The following EXOC3L2 variants were observed in gnomAD, a reference collection of about 807,000 sequenced individuals.
The protein encoded by EXOC3L2 is exocyst complex component 3 like 2.
In EXOC3L2, 17 loss-of-function variants were observed where a neutral mutation model predicts 44.4. That is an observed-to-expected ratio of 0.38 (90% CI 0.26 to 0.57). The LOEUF is 0.57. Ranked by LOEUF, EXOC3L2 falls within the 20% of genes least tolerant of loss-of-function variation. The pLI, the probability that EXOC3L2 is intolerant of heterozygous loss-of-function variation, is 0.65. For synonymous variants in EXOC3L2, 256 were observed against 253.7 expected (o/e 1.01, Z -0.09); for missense variants, 541 against 588.4 (o/e 0.92, Z 0.83).
At chr19:45,217,757 C>T (rs1380561290) in intron 9 of EXOC3L2, 74 bp from the exon 10 acceptor site, 5 of 1,372,156 alleles carry the variant, frequency 3.6e-6, no homozygotes, top group Non-Finnish European at 4.7e-6. Context: ...GTCTGAAGGC[C>T]ACCCCCGCCC....
chr19:45,212,993 C>A lies in EXOC3L2; in HGVS notation c.*76G>T. ...GGGTGTGTGGTCCCAGGCAGGGAGT[C>A]AGGAGGGGCGCCGTACGGGAGGTTG... On this transcript the variant is annotated 3_prime_UTR_variant, in exon 12 of 12. Transcript: ENST00000413988. 7.2e-7 allele frequency: 1 copy of A among 1,396,310 alleles called. No homozygotes were observed. The highest frequency in any genetic ancestry group is 1.6e-5 in the South Asian group (1 of 61,240). The allele number at this position is 1,396,310 out of a possible 1,614,324, so 86.5% of individuals were successfully genotyped here. A position where few individuals can be genotyped will look rare whatever the true frequency, so the allele number is the denominator to read the frequency against.
chr19:45,223,194 C>CTTGTG (rs1831852834), intron 8 of EXOC3L2, among the ~76,000 whole-genome samples: 1 of 152,040 alleles, frequency 6.6e-6, no homozygotes, highest in African/African-American at 2.4e-5. Context: ...TCGAGACCAT[C>CTTGTG]CTGGCCGACA....
chr19:45,241,313 C>G (rs1970129300), intron 1 of EXOC3L2, among the ~76,000 whole-genome samples: 1 of 151,696 alleles, frequency 6.6e-6, no homozygotes, highest in African/African-American at 2.4e-5. Context: ...CTCGTCTCTA[C>G]TAAAAATACA....
chr19:45,233,437 A>G (rs549539641), intron 3 of EXOC3L2, among the ~76,000 whole-genome samples: 1 of 152,308 alleles, frequency 6.6e-6, no homozygotes, highest in South Asian at 2.1e-4. Flanking sequence ...GGATTCTAGA[A>G]TTCTAAGTGT....
rs1969936274 is a variant in EXOC3L2, at chr19:45,224,717, T to TG, written c.1719+60dup. The TG allele has an allele frequency of 2.0e-6, 3 of 1,515,144 alleles. No homozygotes were observed. The South Asian group carries it at 3.8e-5, about 19-fold the overall frequency. The allele number at this position is 1,515,144 out of a possible 1,614,324, so 93.9% of individuals were successfully genotyped here. A position where few individuals can be genotyped will look rare whatever the true frequency, so the allele number is the denominator to read the frequency against. ...TGGGCTAAAAGGAACTGGAGGATGGTGGGGGGCAGCGCTTCCCTGTCCTGG... is the reference window on the plus strand; with the variant it reads ...TGGGCTAAAAGGAACTGGAGGATGGTGGGGGGGCAGCGCTTCCCTGTCCTGG... On this transcript the variant is annotated intron_variant, in intron 8 of 11. Coordinates refer to ENST00000413988, the MANE Select transcript of EXOC3L2 (RefSeq NM_001382422.1).
intron 8 of EXOC3L2, among the ~76,000 whole-genome samples, chr19:45,223,690 A>T (rs1969923211): frequency 6.7e-6 from 1 of 149,900 alleles, no homozygotes; most frequent in African/African-American, 2.4e-5. Flanking sequence ...CACTGAGGTG[A>T]CATTTGAGTC....
chr19:45,213,278 G>A lies in EXOC3L2; in HGVS notation c.2200C>T (p.Arg734Trp), dbSNP rs771973379. 9.3e-6 allele frequency: 15 copies of A among 1,613,748 alleles called. No homozygotes were observed. Among genetic ancestry groups the A allele is most frequent in the Middle Eastern group, 1.7e-4 (1 of 6,052 alleles). The change falls in exon 12 of 12, where the codon CGG becomes TGG. Residue 734 changes from arginine to tryptophan, a missense_variant. Physicochemically the swap from Arg to Trp is moderately radical, Grantham distance 101. Transcript: ENST00000413988. ...AARQEILAVARDLELSEEGAL... is the reference protein window; with the variant it reads ...AARQEILAVAWDLELSEEGAL... Reference sequence around the variant, plus strand: ...CCCTCCTCAGAGAGTTCCAGGTCCCGGGCCACGGCCAGGATCTCCTGGCGG... The same window carrying A: ...CCCTCCTCAGAGAGTTCCAGGTCCCAGGCCACGGCCAGGATCTCCTGGCGG...
At chr19:45,233,774 T>C (rs775471416) in intron 3 of EXOC3L2, among the ~76,000 whole-genome samples, 2 of 152,176 alleles carry the variant, frequency 1.3e-5, no homozygotes, top group Non-Finnish European at 2.9e-5. Context: ...AGGTTGTATG[T>C]AGGTCTAGAA....
At chr19:45,239,216 CTTTTTTTTTTT>C (rs34721897) in intron 1 of EXOC3L2, among the ~76,000 whole-genome samples, 155 bp from the exon 2 acceptor site, 1 of 122,618 alleles carries the variant, frequency 8.2e-6, no homozygotes, top group African/African-American at 3.2e-5. Context: ...AAGATGGGGA[CTTTTTTTTTTT>C]TTTTTTTTGA....
At chr19:45,213,453 C>G (rs1435665923) in intron 11 of EXOC3L2, 96 bp from the exon 12 acceptor site, 1 of 1,484,790 alleles carries the variant, frequency 6.7e-7, no homozygotes, top group African/African-American at 1.4e-5. Flanking sequence ...TCACCTATCC[C>G]AGAAATTGCC....
intron 11 of EXOC3L2, 149 bp downstream of exon 11, chr19:45,215,924 A>T: frequency 1.8e-6 from 2 of 1,122,578 alleles, no homozygotes; most frequent in South Asian, 1.6e-5. Context: ...AAATCTTATT[A>T]ATAATGCCCT....
chr19:45,215,944 AG>A, intron 11 of EXOC3L2, 128 bp downstream of exon 11: 1 of 1,335,016 alleles, frequency 7.5e-7, no homozygotes, highest in Non-Finnish European at 1.0e-6. Flanking sequence ...TGGTTCCAGC[AG>A]GAAACGGCCG....
At chr19:45,216,343 C>T in intron 10 of EXOC3L2, 149 bp from the exon 11 acceptor site, 1 of 1,140,414 alleles carries the variant, frequency 8.8e-7, no homozygotes, top group Non-Finnish European at 1.2e-6. Flanking sequence ...TGGGAGGAGG[C>T]CGAGGCGGGT....
At chr19:45,244,571 A>G (rs1970154947) in intron 1 of EXOC3L2, among the ~76,000 whole-genome samples, 1 of 151,320 alleles carries the variant, frequency 6.6e-6, no homozygotes, top group Non-Finnish European at 1.5e-5. Context: ...CCCCTGACTC[A>G]CTTCCGAGGC....
At chr19:45,227,141 G>A (rs1459454215) in intron 7 of EXOC3L2, among the ~76,000 whole-genome samples, 2 of 148,426 alleles carry the variant, frequency 1.3e-5, no homozygotes, top group African/African-American at 2.5e-5. Context: ...TTTTTGAGAC[G>A]GAGTCTTGCT....
In EXOC3L2 at chr19:45,213,327, G is replaced by C. The variant is rs1422201408; in HGVS notation, c.2151C>G (p.Ile717Met). 5.0e-6 allele frequency: 8 copies of C among 1,613,762 alleles called. No individual in the cohort carries two copies. In the East Asian group the frequency reaches 1.6e-4, roughly 31 times the overall value. Residue 717 changes from isoleucine to methionine, a missense_variant, in exon 12 of 12, where the codon ATC becomes ATG. By Grantham distance (10) the Ile-to-Met change is conservative. Transcript: ENST00000413988. ...GGGCGGCTGTGTTGCGCAGGCCACGGATGTCGAGGAGGGCTGCCACGTGCT... is the reference window on the plus strand; with the variant it reads ...GGGCGGCTGTGTTGCGCAGGCCACGCATGTCGAGGAGGGCTGCCACGTGCT... The part of the protein sequence containing the change: ...RQKHVAALLD[I>M]RGLRNTAARQ...
At chr19:45,225,210 C>T (rs1249525301) in intron 7 of EXOC3L2, among the ~76,000 whole-genome samples, 1 of 151,198 alleles carries the variant, frequency 6.6e-6, no homozygotes, top group East Asian at 1.9e-4. Flanking sequence ...CTTCGGGTCT[C>T]AGTTTCTCTT....
chr19:45,220,310 TTG>T (rs1266162078), intron 8 of EXOC3L2, among the ~76,000 whole-genome samples: 7 of 151,012 alleles, frequency 4.6e-5, no homozygotes, highest in South Asian at 2.1e-4. Context: ...TAATTTTTTT[TTG>T]TTTGTTTAAT....
intron 8 of EXOC3L2, among the ~76,000 whole-genome samples, chr19:45,222,178 C>A (rs892995746): frequency 4.0e-5 from 6 of 151,422 alleles, no homozygotes; most frequent in African/African-American, 1.5e-4. Flanking sequence ...CTCTTCATGT[C>A]TCTAGCTGGT....
Sources: allele counts gnomAD v4.1 joint callset (sites outside exome capture counted in the v4.1 genomes callset), GRCh38; gene constraint gnomAD v4.1.1; transcripts MANE v1.5; gene names NCBI Gene and HGNC (gene_info 2026-07-23, HGNC 2026-07-21).